PGGT1B: variants seen among roughly 807,000 people sequenced by gnomAD.
PGGT1B encodes the protein geranylgeranyl transferase type-1 subunit beta.
In PGGT1B, 30 loss-of-function variants were observed where a neutral mutation model predicts 46.1. The ratio of observed to expected loss-of-function variants is 0.65; its 90% CI spans 0.49 to 0.88. The LOEUF is 0.88. Ranked by LOEUF, PGGT1B falls within the 40% of genes least tolerant of loss-of-function variation. The probability of loss-of-function intolerance (pLI) is 0.00; values close to 1 mark genes in which losing one functional copy is unlikely to be tolerated. For missense variants in PGGT1B, 376 were observed against 455.9 expected (o/e 0.82, Z 1.60); for synonymous variants, 170 against 160.0 (o/e 1.06, Z -0.47).
intron 1 of PGGT1B, among the ~76,000 whole-genome samples, chr5:115,262,284 C>G (rs1748592558): frequency 6.6e-6 from 1 of 152,174 alleles, no homozygotes; most frequent in South Asian, 2.1e-4. Context: ...TCTGCCGCTC[C>G]TACACATAAA....
At chr5:115,214,611 T>C (rs2126987091) in intron 8 of PGGT1B, among the ~76,000 whole-genome samples, 1 of 152,326 alleles carries the variant, frequency 6.6e-6, no homozygotes, top group South Asian at 2.1e-4. Flanking sequence ...TATTGCATAC[T>C]CTGAAAACAT....
intron 2 of PGGT1B, among the ~76,000 whole-genome samples, chr5:115,247,460 C>T (rs959988751): frequency 6.6e-6 from 1 of 152,042 alleles, no homozygotes; most frequent in Non-Finnish European, 1.5e-5. Flanking sequence ...CTTTCTAATC[C>T]TCATTTTAAA....
chr5:115,248,441 CTCTGT>C (rs1580774732), intron 2 of PGGT1B, among the ~76,000 whole-genome samples: 1 of 152,292 alleles, frequency 6.6e-6, no homozygotes, highest in Non-Finnish European at 1.5e-5. Context: ...ATAGTCCTCA[CTCTGT>C]TCTAAGTCTA....
At chr5:115,236,356 A>T in intron 5 of PGGT1B, 34 bp downstream of exon 5, 2 of 1,558,990 alleles carry the variant, frequency 1.3e-6, no homozygotes, top group Non-Finnish European at 1.7e-6. Flanking sequence ...CAGCAAAAAC[A>T]ACCTAAATAG....
At position 115,207,942 on chromosome 5, in the gene PGGT1B, GT is replaced by G. The variant is rs1756111276; in HGVS notation, c.*4459del. The G allele has an allele frequency of 6.6e-6, 1 of 151,946 alleles. No individual in the cohort carries two copies. The highest frequency in any genetic ancestry group is 2.4e-5 in the African/African-American group (1 of 41,400). 9.4% of individuals were successfully genotyped at this position (151,946 alleles called of 1,614,324 possible). A position where few individuals can be genotyped will look rare whatever the true frequency, so the allele number is the denominator to read the frequency against. On this transcript the variant is annotated 3_prime_UTR_variant, in exon 9 of 9. Coordinates refer to ENST00000419445, the MANE Select transcript of PGGT1B (RefSeq NM_005023.4). The stretch of plus-strand genomic sequence containing the variant: ...TATTCATCAATTTCTACTTAGTATA[GT>G]TAACATAAGTGAGTGCTCAATTCTA...
intron 6 of PGGT1B, 21 bp downstream of exon 6, chr5:115,230,955 C>G (rs765285648): frequency 6.7e-7 from 1 of 1,481,930 alleles, no homozygotes; most frequent in East Asian, 2.3e-5. Context: ...ACTACATGTT[C>G]ACTTATTTAA....
Position 115,241,594 on chromosome 5 carries a change from T to G in PGGT1B, c.272A>C (p.Asn91Thr). Residue 91 changes from asparagine (N) to threonine (T), a missense_variant, in exon 3 of 9, where the codon AAT (asparagine) becomes ACT (threonine). Asn to Thr is a moderately conservative substitution (Grantham distance 65). Coordinates refer to ENST00000419445, the MANE Select transcript of PGGT1B (RefSeq NM_005023.4). The part of the protein sequence containing the change: ...VLPTEDRSNL[N>T]RCGFRGSSYL... ...TGAAGAGCCTCGGAAACCACAGCGA[T>G]TTAGATTTGATCCTAGAAAATAAAA... 1 of 1,607,536 alleles carries G rather than the reference T, an allele frequency of 6.2e-7. No individual in the cohort carries two copies. The highest frequency in any genetic ancestry group is 8.5e-7 in the Non-Finnish European group (1 of 1,176,222).
chr5:115,234,458 T>G (rs1353059747), intron 5 of PGGT1B, among the ~76,000 whole-genome samples: 3 of 151,880 alleles, frequency 2.0e-5, no homozygotes. Context: ...GTTCTGACCT[T>G]AAGAACCAAA....
rs1414324198 is a variant in PGGT1B at position 115,206,517 on chromosome 5, T to C, written c.*5885A>G. The C allele has an allele frequency of 6.6e-6, 1 of 152,064 alleles. No individual in the cohort carries two copies. The highest frequency in any genetic ancestry group is 1.5e-5 in the Non-Finnish European group (1 of 67,918). 9.4% of individuals were successfully genotyped at this position (152,064 alleles called of 1,614,324 possible). A position where few individuals can be genotyped will look rare whatever the true frequency, so the allele number is the denominator to read the frequency against. On this transcript the variant is annotated 3_prime_UTR_variant, in exon 9 of 9. Transcript: ENST00000419445. ...ACTGTATTCTAAATGCCACTGAGTCTATTTCTGGAATTCCTCTTCTGTTCC... is the reference window on the plus strand; with the variant it reads ...ACTGTATTCTAAATGCCACTGAGTCCATTTCTGGAATTCCTCTTCTGTTCC...
At chr5:115,256,528 A>G (rs1008736254) in intron 1 of PGGT1B, among the ~76,000 whole-genome samples, 24 of 152,354 alleles carry the variant, frequency 1.6e-4, no homozygotes, top group Middle Eastern at 3.4e-3. Flanking sequence ...AAGGTTTATG[A>G]GAGTAACAGA....
intron 4 of PGGT1B, among the ~76,000 whole-genome samples, chr5:115,237,117 G>C (rs1417392524): frequency 6.6e-6 from 1 of 152,164 alleles, no homozygotes; most frequent in Non-Finnish European, 1.5e-5. Flanking sequence ...ACTGGATGAA[G>C]TAAATATTTA....
chr5:115,224,833 C>CAAA (rs551706210), intron 6 of PGGT1B, among the ~76,000 whole-genome samples: 2,412 of 65,706 alleles, frequency 0.037, 97 homozygotes, highest in African/African-American at 0.12. Context: ...GACTATGTCT[C>CAAA]AAAAAAAAAA....
In PGGT1B at chr5:115,205,449, A is replaced by C. The variant is rs936146464; in HGVS notation, c.*6953T>G. ...TAATGAAAAGTTTGAACAAACATGG[A>C]AAAACATGGAAAGAAGAGGGTGGAG... On this transcript the variant is annotated 3_prime_UTR_variant, in exon 9 of 9. Coordinates refer to ENST00000419445, the MANE Select transcript of PGGT1B (RefSeq NM_005023.4). 1.3e-5 allele frequency: 2 copies of C among 152,068 alleles called. No homozygotes were observed. Among genetic ancestry groups the C allele is most frequent in the African/African-American group, 4.8e-5 (2 of 41,414 alleles). 9.4% of individuals were successfully genotyped at this position (152,068 alleles called of 1,614,324 possible). A position where few individuals can be genotyped will look rare whatever the true frequency, so the allele number is the denominator to read the frequency against.
chr5:115,228,706 A>G (rs888071259), intron 6 of PGGT1B, among the ~76,000 whole-genome samples: 5 of 152,160 alleles, frequency 3.3e-5, no homozygotes, highest in African/African-American at 1.2e-4. Context: ...TGAGGTAAAG[A>G]AGTGACAGGA....
rs1178272916 is a variant in PGGT1B, at chr5:115,205,997, AAT to A, written c.*6403_*6404del. Reference sequence around the variant, plus strand: ...AGTGCAATTACTTATGCACTGACCTAATATGTTTATGCAACGTGATACTATGC... The same window carrying A: ...AGTGCAATTACTTATGCACTGACCTAATGTTTATGCAACGTGATACTATGC... On this transcript the variant is annotated 3_prime_UTR_variant, in exon 9 of 9. Transcript: ENST00000419445. 2 of 151,900 alleles carry A rather than the reference AAT, an allele frequency of 1.3e-5. No individual in the cohort carries two copies. The highest frequency in any genetic ancestry group is 4.8e-5 in the African/African-American group (2 of 41,370). The allele number at this position is 151,900 out of a possible 1,614,324, so 9.4% of individuals were successfully genotyped here.
chr5:115,212,537 C>T lies in PGGT1B; in HGVS notation c.999G>A (p.Glu333=), dbSNP rs143791023. 3.3e-5 allele frequency: 53 copies of T among 1,613,310 alleles called. No homozygotes were observed. In the African/African-American group the frequency reaches 5.6e-4, roughly 17 times the overall value. Residue 333 remains glutamate, a synonymous_variant, in exon 9 of 9, where the codon GAG becomes GAA. Transcript: ENST00000419445. ...YFGICGLSLM[E]ESGICKVHPA... ...GATGAACTTTACAAATTCCACTTTCCTCCATTAGTGACAGGCCACAGATCC... is the reference window on the plus strand; with the variant it reads ...GATGAACTTTACAAATTCCACTTTCTTCCATTAGTGACAGGCCACAGATCC...
At chr5:115,219,802 G>A (rs1343458175) in intron 7 of PGGT1B, among the ~76,000 whole-genome samples, 1 of 151,618 alleles carries the variant, frequency 6.6e-6, no homozygotes, top group African/African-American at 2.4e-5. Context: ...CTCCCAAGAA[G>A]ATATACAAAT....
chr5:115,226,699 A>G (rs920763289), intron 6 of PGGT1B, among the ~76,000 whole-genome samples: 1 of 152,146 alleles, frequency 6.6e-6, no homozygotes, highest in East Asian at 1.9e-4. Context: ...CAAATAGTAC[A>G]TTGTACAAGG....
chr5:115,262,108 C>A (rs1465203486), intron 1 of PGGT1B, among the ~76,000 whole-genome samples: 2 of 152,246 alleles, frequency 1.3e-5, no homozygotes, highest in East Asian at 3.9e-4. Context: ...TCCTTTCTTT[C>A]TTCTCATCCC....
Sources: gnomAD v4.1 joint callset for allele counts (sites outside exome capture counted in the v4.1 genomes callset) on GRCh38, gnomAD v4.1.1 for gene constraint, MANE v1.5 for transcripts, NCBI Gene and HGNC (gene_info 2026-07-23, HGNC 2026-07-21) for gene names.